Variants in MYRFL observed in about 807,000 individuals in gnomAD.
MYRFL encodes the protein myelin regulatory factor like.
A neutral mutation model predicts 109.4 loss-of-function variants in MYRFL; 88 were observed. That is an observed-to-expected ratio of 0.80 (90% CI 0.68 to 0.96). The LOEUF (loss-of-function observed/expected upper bound fraction) is 0.96. MYRFL is among the 40% of genes least tolerant of loss of function. MYRFL has a pLI of 0.00. For missense variants in MYRFL, 957 were observed against 954.9 expected (o/e 1.00, Z -0.03); for synonymous variants, 324 against 320.9 (o/e 1.01, Z -0.10).
chr12:69,901,242 C>G (rs1240891993), intron 10 of MYRFL, among the ~76,000 whole-genome samples: 1 of 152,186 alleles, frequency 6.6e-6, no homozygotes, highest in African/African-American at 2.4e-5. Context: ...CCATCAGCCA[C>G]TATTGGGTCA....
At chr12:69,956,074 C>T (rs553992175) in intron 22 of MYRFL, among the ~76,000 whole-genome samples, 9 of 152,070 alleles carry the variant, frequency 5.9e-5, no homozygotes, top group African/African-American at 2.2e-4. Context: ...AGACTATATG[C>T]CAGACTTTAA....
intron 13 of MYRFL, among the ~76,000 whole-genome samples, chr12:69,924,226 C>A (rs896923253): frequency 2.6e-5 from 4 of 151,354 alleles, no homozygotes; most frequent in Non-Finnish European, 5.9e-5. Context: ...GTAAAATACC[C>A]ACATATTCTA....
At chr12:69,926,502 G>A in intron 13 of MYRFL, 69 bp from the exon 14 acceptor site, 1 of 1,264,098 alleles carries the variant, frequency 7.9e-7, no homozygotes, top group Admixed American at 3.2e-5. Context: ...TCTTTGAATG[G>A]GCTGTAGACA....
chr12:69,884,174 T>C (rs1886309750), intron 5 of MYRFL, among the ~76,000 whole-genome samples: 1 of 152,234 alleles, frequency 6.6e-6, no homozygotes, highest in South Asian at 2.1e-4. Context: ...AAAAGGATTC[T>C]TACCTGGGAG....
At position 69,936,608 on chromosome 12, in the gene MYRFL, G is replaced by A. The variant is rs1288201795; in HGVS notation, c.2200G>A (p.Glu734Lys). 3 of 1,530,654 alleles carry A rather than the reference G, an allele frequency of 2.0e-6. No individual in the cohort carries two copies. The South Asian group carries it at 3.6e-5, about 18-fold the overall frequency. The allele number at this position is 1,530,654 out of a possible 1,614,324, so 94.8% of individuals were successfully genotyped here. Reference sequence around the variant, plus strand: ...TGTGCAAAGACAATCTGAGGAGAAGGAATTCCATCAGAGGCGATGGTCAGG... The same window carrying A: ...TGTGCAAAGACAATCTGAGGAGAAGAAATTCCATCAGAGGCGATGGTCAGG... ...SPVQRQSEEK[E>K]FHQRRWSEDK... The change falls in exon 19 of 25, where the codon GAA (glutamate) becomes AAA (lysine). Residue 734 changes from glutamate (E) to lysine (K), a missense_variant. Coordinates refer to ENST00000552032, the MANE Select transcript of MYRFL (RefSeq NM_182530.3).
At chr12:69,900,896 G>C (rs1954161436) in intron 10 of MYRFL, among the ~76,000 whole-genome samples, 2 of 152,216 alleles carry the variant, frequency 1.3e-5, no homozygotes, top group South Asian at 4.1e-4. Flanking sequence ...AGCAGATGAA[G>C]CAATTATAGG....
At chr12:69,861,599 GT>G (rs1365165029) in intron 2 of MYRFL, among the ~76,000 whole-genome samples, 3 of 151,436 alleles carry the variant, frequency 2.0e-5, no homozygotes, top group African/African-American at 4.9e-5. Context: ...GGGGTTGTTT[GT>G]TTTTTTCTTG....
At chr12:69,948,370 AATTGT>A (rs1004706602) in intron 19 of MYRFL, among the ~76,000 whole-genome samples, 13 of 152,200 alleles carry the variant, frequency 8.5e-5, no homozygotes, top group Non-Finnish European at 1.8e-4. Context: ...CCAGGTACTC[AATTGT>A]ATTCATAGGG....
intron 1 of MYRFL, among the ~76,000 whole-genome samples, chr12:69,837,565 G>A (rs573543862): frequency 2.0e-5 from 3 of 152,310 alleles, no homozygotes; most frequent in African/African-American, 7.2e-5. Flanking sequence ...AAGCCACTCT[G>A]TAAGGTGGTA....
intron 7 of MYRFL, among the ~76,000 whole-genome samples, 164 bp from the exon 8 acceptor site, chr12:69,893,600 G>T (rs931541168): frequency 6.6e-6 from 1 of 152,108 alleles, no homozygotes; most frequent in Non-Finnish European, 1.5e-5. Context: ...AGAATACCAC[G>T]TTAAGGTAGG....
At position 69,886,844 on chromosome 12, in the gene MYRFL, A is replaced by T; in HGVS notation, c.581A>T (p.Glu194Val). 1 of 1,535,916 alleles carries T rather than the reference A, an allele frequency of 6.5e-7. No homozygotes were observed. The highest frequency in any genetic ancestry group is 1.4e-5 in the African/African-American group (1 of 73,148). ...GTGACAAGTAGGAGTCGCAGCAGTGAAGTCCAGGACCCTGACAGTGAGGGA... is the reference window on the plus strand; with the variant it reads ...GTGACAAGTAGGAGTCGCAGCAGTGTAGTCCAGGACCCTGACAGTGAGGGA... ...RPMTSRSRSSEVQDPDSEGQN... is the reference protein window; with the variant it reads ...RPMTSRSRSSVVQDPDSEGQN... Residue 194 changes from glutamate (E) to valine (V), a missense_variant, in exon 6 of 25, where the codon GAA (glutamate) becomes GTA (valine). Physicochemically the swap from Glu to Val is moderately radical, Grantham distance 121. Coordinates refer to ENST00000552032, the MANE Select transcript of MYRFL (RefSeq NM_182530.3).
rs147628405 is a variant in MYRFL, at chr12:69,919,307, C to G, written c.1603-7264C>G. 3.8e-4 allele frequency among the ~76,000 whole-genome samples: 58 copies of G among 152,198 alleles called. 1 individual carries two copies. The South Asian group carries it at 0.012, about 31-fold the overall frequency. The stretch of plus-strand genomic sequence containing the variant: ...GCTAGTTCAACTGGAAACTTGTCTC[C>G]GTCAAAAGACTCAAGCCCTTTCCAC... On this transcript the variant is annotated intron_variant, in intron 13 of 24. Transcript: ENST00000552032.
chr12:69,910,846 A>C lies in MYRFL; in HGVS notation c.1518A>C (p.Glu506Asp). The change falls in exon 13 of 25, where the codon GAA becomes GAC. Residue 506 changes from glutamate (E) to aspartate (D), a missense_variant. Glu to Asp is a conservative substitution (Grantham distance 45). Coordinates refer to ENST00000552032, the MANE Select transcript of MYRFL (RefSeq NM_182530.3). ...QTGMIAQEVQ[E>D]ILPRAVREVG... ...GAATGATTGCCCAGGAGGTGCAAGA[A>C]ATCCTGCCCAGAGCAGTAAGAGAGG... 1 of 1,535,338 alleles carries C rather than the reference A, an allele frequency of 6.5e-7. No homozygotes were observed. The highest frequency in any genetic ancestry group is 8.7e-7 in the Non-Finnish European group (1 of 1,146,376).
intron 1 of MYRFL, among the ~76,000 whole-genome samples, chr12:69,830,586 C>T (rs1166802082): frequency 1.3e-5 from 2 of 151,914 alleles, no homozygotes; most frequent in South Asian, 4.2e-4. Context: ...AGGGACTTCC[C>T]AGGAGACTGG....
intron 7 of MYRFL, among the ~76,000 whole-genome samples, chr12:69,891,638 T>TCC (rs1566002347): frequency 1.6e-3 from 7 of 4,388 alleles, no homozygotes; most frequent in African/African-American, 4.2e-3. Flanking sequence ...TTCCTTTCTT[T>TCC]TTCTTTCTTT....
intron 10 of MYRFL, among the ~76,000 whole-genome samples, chr12:69,899,030 A>G (rs1954097049): frequency 6.6e-6 from 1 of 152,190 alleles, no homozygotes; most frequent in Admixed American, 6.5e-5. Context: ...AAATTTACTC[A>G]GCATAGTTTG....
chr12:69,938,744 C>A (rs1302589612), intron 19 of MYRFL, among the ~76,000 whole-genome samples: 1 of 152,168 alleles, frequency 6.6e-6, no homozygotes. Context: ...CTGAGCGATG[C>A]AGAAGACGGG....
chr12:69,857,800 A>G (rs936222682), intron 2 of MYRFL, among the ~76,000 whole-genome samples: 1 of 151,810 alleles, frequency 6.6e-6, no homozygotes, highest in African/African-American at 2.4e-5. Flanking sequence ...AGGTCATGTC[A>G]TCTGCAAATT....
In MYRFL at chr12:69,936,488, T is replaced by C. The variant is rs1470508795; in HGVS notation, c.2080T>C (p.Leu694=). 4 of 1,536,084 alleles carry C rather than the reference T, an allele frequency of 2.6e-6. No homozygotes were observed. The highest frequency in any genetic ancestry group is 3.5e-6 in the Non-Finnish European group (4 of 1,146,902). The change falls in exon 19 of 25, where the codon TTA becomes CTA. Residue 694 remains leucine (L), a synonymous_variant. Transcript: ENST00000552032. The part of the protein sequence containing the change: ...NTSLVTTPAS[L]QVPEITFCEI... ...ATCCCTGGTAACCACACCGGCCTCC[T>C]TACAAGTACCTGAAATTACTTTCTG...
Sources: gnomAD v4.1 joint callset for allele counts (sites outside exome capture counted in the v4.1 genomes callset) on GRCh38, gnomAD v4.1.1 for gene constraint, MANE v1.5 for transcripts, NCBI Gene and HGNC (gene_info 2026-07-23, HGNC 2026-07-21) for gene names.